Variants in TAS1R2 observed in about 807,000 individuals in gnomAD.
TAS1R2 encodes taste 1 receptor member 2.
Under a neutral mutation model 49.3 loss-of-function variants are expected in TAS1R2, and 47 were observed. That is an observed-to-expected ratio of 0.95 (90% CI 0.75 to 1.22). The LOEUF (loss-of-function observed/expected upper bound fraction) is 1.22, where lower values mean the gene tolerates loss of function less well. TAS1R2 is among the 50% of genes most tolerant of loss of function. The pLI is 0.00. For missense variants in TAS1R2, 1,155 were observed against 1,122.1 expected, an observed-to-expected ratio of 1.03 and a Z score of -0.42; for synonymous variants, 479 against 467.9, an observed-to-expected ratio of 1.02 and a Z score of -0.31.
rs769343580 is a variant in TAS1R2, at chr1:18,840,380, G to T, written c.1739C>A (p.Thr580Asn). 4 of 1,614,056 alleles carry T rather than the reference G, an allele frequency of 2.5e-6. No individual in the cohort carries two copies. In the Admixed American group the frequency reaches 6.7e-5, roughly 27 times the overall value. ...CCAGAATATCACCAGGATGGCCAGGGTGCTGAGGAAGCCCAGGGCGGCCAG... is the reference window on the plus strand; with the variant it reads ...CCAGAATATCACCAGGATGGCCAGGTTGCTGAGGAAGCCCAGGGCGGCCAG... Residue 580 changes from threonine to asparagine, a missense_variant, in exon 6 of 6, where the codon ACC (threonine) becomes AAC (asparagine). Coordinates refer to ENST00000375371, the Ensembl canonical transcript of TAS1R2.
Position 18,859,478 on chromosome 1 carries a change from C to T in TAS1R2, c.182+1G>A, listed in dbSNP as rs1382652058. The T allele has an allele frequency of 2.5e-6, 4 of 1,613,920 alleles. No individual in the cohort carries two copies. The highest frequency in any genetic ancestry group is 3.4e-6 in the Non-Finnish European group (4 of 1,179,938). ...CTTCCAGCCCCACACTGGAGACTCA[C>T]TCCTTGCACATGGGCACCTGCAGGA... On this transcript the variant is annotated splice_donor_variant, in intron 1 of 5. Transcript: ENST00000375371. LOFTEE classifies it high-confidence loss of function.
intron 5 of TAS1R2, among the ~76,000 whole-genome samples, chr1:18,841,023 A>G (rs1300411505): frequency 1.3e-5 from 2 of 152,234 alleles, no homozygotes; most frequent in Non-Finnish European, 2.9e-5. Flanking sequence ...CAATGAAATC[A>G]TTCCACAAAC....
chr1:18,841,984 G>GA (rs35542368), intron 4 of TAS1R2, 132 bp from the exon 5 acceptor site: 128,116 of 337,346 alleles, frequency 0.38, 17,782 homozygotes, highest in African/African-American at 0.45. Flanking sequence ...GGAAACTGTA[G>GA]AAAAAAAAAA....
intron 4 of TAS1R2, among the ~76,000 whole-genome samples, chr1:18,845,445 A>C (rs1376398593): frequency 6.6e-6 from 1 of 152,178 alleles, no homozygotes. Context: ...GGCTACATGC[A>C]CCATTATTCT....
At chr1:18,840,090 C>G in exon 6 of TAS1R2, 3 of 1,614,216 alleles carry the variant, frequency 1.9e-6, no homozygotes, top group East Asian at 2.2e-5. Flanking sequence ...ACGTAGGGCC[C>G]CTGGTAGCGG....
At chr1:18,849,175 T>C (rs928753294) in intron 4 of TAS1R2, 166 bp downstream of exon 4, 1 of 737,210 alleles carries the variant, frequency 1.4e-6, no homozygotes, top group Non-Finnish European at 2.2e-6. Flanking sequence ...TCCCAATCAA[T>C]GGGGGAAGGA....
At position 18,854,973 on chromosome 1, in the gene TAS1R2, G is replaced by A. The variant is rs769740919; in HGVS notation, c.497C>T (p.Ala166Val). ...CTTGTCTCGCAGCTCATCGCTGATGGCGCTGTAGGTGATCTGCAAGGGGAA... is the reference window on the plus strand; with the variant it reads ...CTTGTCTCGCAGCTCATCGCTGATGACGCTGTAGGTGATCTGCAAGGGGAA... Residue 166 changes from alanine (A) to valine (V), a missense_variant, in exon 3 of 6, where the codon GCC becomes GTC. Coordinates refer to ENST00000375371, the Ensembl canonical transcript of TAS1R2. This position sits in a 1 kb window ranked among gnomAD's most constrained non-coding sequence, Gnocchi z 4.9. The A allele has an allele frequency of 2.5e-6, 4 of 1,603,960 alleles. No homozygotes were observed. The African/African-American group carries it at 5.4e-5, about 21-fold the overall frequency.
chr1:18,847,952 C>T (rs1486689084), intron 4 of TAS1R2, among the ~76,000 whole-genome samples: 1 of 152,168 alleles, frequency 6.6e-6, no homozygotes, highest in African/African-American at 2.4e-5. Context: ...TGCAGGGAAA[C>T]TCCCATTTTT....
At chr1:18,857,209 A>T in intron 2 of TAS1R2, 122 bp downstream of exon 2, 1 of 1,145,048 alleles carries the variant, frequency 8.7e-7, no homozygotes, top group Non-Finnish European at 1.2e-6. Context: ...TGATGTCCTG[A>T]CCCTGCTTCT....
rs199765519 is a variant in TAS1R2 at position 18,841,892 on chromosome 1, C to G, written c.1468-40G>C. ...GCAAGAGACCCTGAGTCCTCTTTTCCCACATTCTGGGGGCCCCCTCCCCTC... is the reference window on the plus strand; with the variant it reads ...GCAAGAGACCCTGAGTCCTCTTTTCGCACATTCTGGGGGCCCCCTCCCCTC... On this transcript the variant is annotated intron_variant, in intron 4 of 5. Coordinates refer to ENST00000375371, the Ensembl canonical transcript of TAS1R2. The G allele has an allele frequency of 6.3e-5, 96 of 1,525,200 alleles. 1 individual carries two copies. In the Middle Eastern group the frequency reaches 2.1e-3, roughly 34 times the overall value. The allele number at this position is 1,525,200 out of a possible 1,614,324, so 94.5% of individuals were successfully genotyped here.
chr1:18,839,819 G>A (rs1224464010), exon 6 of TAS1R2: 2 of 1,614,234 alleles, frequency 1.2e-6, no homozygotes, highest in East Asian at 2.2e-5. Flanking sequence ...GAAATAGAAG[G>A]TCATGCTGAG....
intron 5 of TAS1R2, among the ~76,000 whole-genome samples, chr1:18,840,756 C>T (rs1434941781): frequency 6.6e-6 from 1 of 152,230 alleles, no homozygotes; most frequent in African/African-American, 2.4e-5. Context: ...AAGTAATTTG[C>T]CCAAAGCCAG....
intron 4 of TAS1R2, 122 bp downstream of exon 4, chr1:18,849,219 T>G (rs1933975748): frequency 9.7e-7 from 1 of 1,032,198 alleles, no homozygotes; most frequent in Non-Finnish European, 1.4e-6. Context: ...CAAATAGACA[T>G]CCCCCCAGAG....
At chr1:18,839,651 G>T (rs759247570) in exon 6 of TAS1R2, 1 of 1,614,210 alleles carries the variant, frequency 6.2e-7, no homozygotes, top group South Asian at 1.1e-5. Flanking sequence ...GTAGGCGGGC[G>T]TGTTGCGCTC....
chr1:18,849,446 T>C (rs1933982091), exon 4 of TAS1R2: 2 of 1,614,122 alleles, frequency 1.2e-6, no homozygotes, highest in South Asian at 1.1e-5. Context: ...TCCGGTCCCA[T>C]TGCCACTGGA....
chr1:18,847,993 C>G (rs1250204239), intron 4 of TAS1R2, among the ~76,000 whole-genome samples: 1 of 152,200 alleles, frequency 6.6e-6, no homozygotes, highest in Non-Finnish European at 1.5e-5. Flanking sequence ...GACTTATCCA[C>G]TATCAGGAGA....
In TAS1R2 at chr1:18,854,222, G is replaced by C; in HGVS notation, c.1248C>G (p.Tyr416Ter). 1 of 1,613,250 alleles carries C rather than the reference G, an allele frequency of 6.2e-7. No homozygotes were observed. Among genetic ancestry groups the C allele is most frequent in the Non-Finnish European group, 8.5e-7 (1 of 1,179,330 alleles). The change falls in exon 3 of 6, where the codon TAC becomes TAG. Residue 416 changes from tyrosine (Y) to a stop codon, truncating the protein, a stop_gained. Coordinates refer to ENST00000375371, the Ensembl canonical transcript of TAS1R2. LOFTEE classifies it high-confidence loss of function. The surrounding 1 kb of genome is among the most constrained non-coding windows in gnomAD (Gnocchi z 4.9). ...GCAGCCACCCCCTCACCTGCCAGGG[G>C]TAGACCACCCTCTTGGTGCAGGTGC...
At chr1:18,841,847 A>C (rs1933832801) in exon 5 of TAS1R2, 1 of 1,597,750 alleles carries the variant, frequency 6.3e-7, no homozygotes, top group Non-Finnish European at 8.6e-7. Context: ...ACATGGACAT[A>C]GGGATCTGGA....
At position 18,854,300 on chromosome 1, in the gene TAS1R2, A is replaced by C. The variant is rs1934085471; in HGVS notation, c.1170T>G (p.Ser390=). 6.2e-7 allele frequency: 1 copy of C among 1,614,060 alleles called. No individual in the cohort carries two copies. The highest frequency in any genetic ancestry group is 8.5e-7 in the Non-Finnish European group (1 of 1,180,028). The change falls in exon 3 of 6, where the codon TCT becomes TCG. Residue 390 remains serine, a synonymous_variant. Transcript: ENST00000375371. The surrounding 1 kb of genome is among the most constrained non-coding windows in gnomAD (Gnocchi z 4.9). ...GGGCATGGGCCACAGCATAGACCGC[A>C]GAGTACACGCTGTAGACGACACGCT...
Sources: gnomAD v4.1 joint callset for allele counts (sites outside exome capture counted in the v4.1 genomes callset) on GRCh38, gnomAD v4.1.1 for gene constraint, Gnocchi (gnomAD v3.1) non-coding constraint, MANE v1.5 for transcripts, NCBI Gene and HGNC (gene_info 2026-07-23, HGNC 2026-07-21) for gene names.